Variants in DNAJC25 observed in about 807,000 individuals in gnomAD.
The protein encoded by DNAJC25 is dnaJ homolog subfamily C member 25.
DNAJC25 carries 26 observed loss-of-function variants against 42.1 expected under a neutral mutation model. The observed-to-expected ratio is 0.62, with a 90% CI of 0.45 to 0.86. DNAJC25 has a LOEUF of 0.86. Ranked by LOEUF, DNAJC25 falls within the 40% of genes least tolerant of loss-of-function variation. The pLI, the probability that DNAJC25 is intolerant of heterozygous loss-of-function variation, is 0.00. For missense variants in DNAJC25, 404 were observed against 459.4 expected, an observed-to-expected ratio of 0.88 and a Z score of 1.10; for synonymous variants, 189 against 179.9, an observed-to-expected ratio of 1.05 and a Z score of -0.40.
intron 1 of DNAJC25, among the ~76,000 whole-genome samples, chr9:111,645,687 G>A (rs1454241570): frequency 1.3e-5 from 2 of 152,192 alleles, no homozygotes; most frequent in African/African-American, 4.8e-5. Context: ...ACAGACCCCA[G>A]AGAATCTGTC....
At chr9:111,644,135 A>G (rs965369878) in intron 1 of DNAJC25, among the ~76,000 whole-genome samples, 1 of 152,206 alleles carries the variant, frequency 6.6e-6, no homozygotes, top group Admixed American at 6.5e-5. Flanking sequence ...TTTTAGTCTA[A>G]TCATGGCCAA....
At position 111,653,454 on chromosome 9, in the gene DNAJC25, C is replaced by G; in HGVS notation, c.*232C>G. 1 of 396,140 alleles carries G rather than the reference C, an allele frequency of 2.5e-6. No homozygotes were observed. Among genetic ancestry groups the G allele is most frequent in the Non-Finnish European group, 4.0e-6 (1 of 249,722 alleles). The allele number at this position is 396,140 out of a possible 1,614,324, so 24.5% of individuals were successfully genotyped here. On this transcript the variant is annotated 3_prime_UTR_variant, in exon 4 of 4. Coordinates refer to ENST00000313525, the MANE Select transcript of DNAJC25 (RefSeq NM_001015882.3). The stretch of plus-strand genomic sequence containing the variant: ...TTGTGGATTTTGTTAAAAGATTTCA[C>G]ATGAAGATTTATTAGTTGCCATTTA...
At chr9:111,653,017 T>TA in intron 3 of DNAJC25, 83 bp from the exon 4 acceptor site, 1 of 1,363,676 alleles carries the variant, frequency 7.3e-7, no homozygotes, top group Non-Finnish European at 9.6e-7. Flanking sequence ...AACATTATGT[T>TA]AGAAAAATGT....
In DNAJC25 at chr9:111,647,119, C is replaced by A. The variant is rs201249707; in HGVS notation, c.349C>A (p.Arg117=). ...TGTCATTTTACAGGATGAAGAAACACGAAAAGATTATGATTACATGCTGGA... is the reference window on the plus strand; with the variant it reads ...TGTCATTTTACAGGATGAAGAAACAAGAAAAGATTATGATTACATGCTGGA... ...AYETLKDEET[R]KDYDYMLDHP... is the part of the protein sequence containing the mutation. Residue 117 remains arginine (R), a synonymous_variant, in exon 2 of 4, where the codon CGA becomes AGA. Coordinates refer to ENST00000313525, the MANE Select transcript of DNAJC25 (RefSeq NM_001015882.3). 6.2e-7 allele frequency: 1 copy of A among 1,613,202 alleles called. No individual in the cohort carries two copies. The highest frequency in any genetic ancestry group is 2.2e-5 in the East Asian group (1 of 44,852).
chr9:111,639,956 C>G (rs1014014423), intron 1 of DNAJC25, among the ~76,000 whole-genome samples: 1 of 150,760 alleles, frequency 6.6e-6, no homozygotes, highest in Non-Finnish European at 1.5e-5. Context: ...GTCTCCGTCT[C>G]CGTCTCCCCA....
At chr9:111,640,777 C>A (rs1830442323) in intron 1 of DNAJC25, among the ~76,000 whole-genome samples, 2 of 120,370 alleles carry the variant, frequency 1.7e-5, no homozygotes, top group African/African-American at 7.0e-5. Context: ...CAGCAGCCAC[C>A]CCATCTGGGA....
intron 1 of DNAJC25, 111 bp downstream of exon 1, chr9:111,631,854 A>G (rs1820550387): frequency 1.0e-5 from 14 of 1,396,280 alleles, no homozygotes; most frequent in Non-Finnish European, 1.2e-5. Context: ...AACTGAGCAC[A>G]GCCACCACCG....
At chr9:111,639,450 A>G (rs942072353) in intron 1 of DNAJC25, among the ~76,000 whole-genome samples, 11 of 152,208 alleles carry the variant, frequency 7.2e-5, no homozygotes, top group Non-Finnish European at 1.2e-4. Flanking sequence ...AACAGTTACA[A>G]GCATTACTAG....
chr9:111,649,552 C>T lies in DNAJC25; in HGVS notation c.589C>T (p.Leu197=). The T allele has an allele frequency of 6.2e-7, 1 of 1,613,998 alleles. No individual in the cohort carries two copies. The highest frequency in any genetic ancestry group is 8.5e-7 in the Non-Finnish European group (1 of 1,180,006). ...QATEIAKQQG[L]LKKAKEKGKN... is the part of the protein sequence containing the mutation. ...TACAGAGATTGCCAAGCAGCAGGGA[C>T]TGCTCAAAAAAGCCAAAGAAAAAGG... is the stretch of plus-strand genomic sequence containing the variant. Residue 197 remains leucine (L), a synonymous_variant, in exon 3 of 4, where the codon CTG becomes TTG. Transcript: ENST00000313525.
chr9:111,643,949 C>T (rs1830527150), intron 1 of DNAJC25, among the ~76,000 whole-genome samples: 1 of 152,134 alleles, frequency 6.6e-6, no homozygotes, highest in Non-Finnish European at 1.5e-5. Flanking sequence ...CTGTTGAGAA[C>T]TCCTAAGTTT....
intron 1 of DNAJC25, among the ~76,000 whole-genome samples, chr9:111,645,177 A>C (rs1042119998): frequency 1.3e-5 from 2 of 152,186 alleles, no homozygotes; most frequent in Non-Finnish European, 2.9e-5. Context: ...CGTTTCATAT[A>C]CTGGTGAGAG....
intron 3 of DNAJC25, among the ~76,000 whole-genome samples, chr9:111,651,843 T>C (rs1401570379): frequency 7.4e-6 from 1 of 135,536 alleles, no homozygotes; most frequent in East Asian, 2.4e-4. Context: ...TGAGACCCCA[T>C]CTCAAAAAAA....
intron 3 of DNAJC25, among the ~76,000 whole-genome samples, chr9:111,650,603 T>G (rs1830644593): frequency 6.6e-6 from 1 of 152,170 alleles, no homozygotes; most frequent in Non-Finnish European, 1.5e-5. Context: ...CAGGATAAAA[T>G]TCATTGGCTA....
At chr9:111,639,687 G>A (rs925692523) in intron 1 of DNAJC25, among the ~76,000 whole-genome samples, 1 of 147,214 alleles carries the variant, frequency 6.8e-6, no homozygotes, top group Non-Finnish European at 1.5e-5. Context: ...TCAAAAAAAT[G>A]TGTGTGTGTG....
chr9:111,638,507 C>T (rs1384306178), intron 1 of DNAJC25, among the ~76,000 whole-genome samples: 2 of 151,700 alleles, frequency 1.3e-5, no homozygotes, highest in Non-Finnish European at 2.9e-5. Context: ...GAAAGGATAG[C>T]TAGTAATTTT....
At chr9:111,638,358 G>T (rs1418491973) in intron 1 of DNAJC25, among the ~76,000 whole-genome samples, 1 of 152,266 alleles carries the variant, frequency 6.6e-6, no homozygotes, top group African/African-American at 2.4e-5. Context: ...GACATAATTT[G>T]TCTTTCTGTG....
intron 1 of DNAJC25, among the ~76,000 whole-genome samples, chr9:111,639,951 C>CGT (rs1830424453): frequency 6.6e-6 from 1 of 150,648 alleles, no homozygotes; most frequent in African/African-American, 2.5e-5. Flanking sequence ...TCTCCGTCTC[C>CGT]GTCTCCGTCT....
intron 1 of DNAJC25, among the ~76,000 whole-genome samples, chr9:111,641,000 G>T (rs1589343378): frequency 1.0e-5 from 1 of 98,532 alleles, no homozygotes; most frequent in Non-Finnish European, 1.9e-5. Flanking sequence ...GGAGGGAGGT[G>T]GGGGGGTCAG....
At chr9:111,637,989 A>T (rs1754329812) in intron 1 of DNAJC25, among the ~76,000 whole-genome samples, 2 of 152,122 alleles carry the variant, frequency 1.3e-5, no homozygotes, top group Non-Finnish European at 2.9e-5. Flanking sequence ...ACTCAACTGT[A>T]TCCTTGACCT....
Sources: allele counts gnomAD v4.1 joint callset (sites outside exome capture counted in the v4.1 genomes callset), GRCh38; gene constraint gnomAD v4.1.1; transcripts MANE v1.5; gene names NCBI Gene and HGNC (gene_info 2026-07-23, HGNC 2026-07-21).